CCDC50: variants seen among roughly 807,000 people sequenced by gnomAD.
CCDC50 encodes the protein coiled-coil domain containing 50.
A neutral mutation model predicts 70.2 loss-of-function variants in CCDC50; 54 were observed. That is an observed-to-expected ratio of 0.77 (90% confidence interval 0.62 to 0.96). The LOEUF (loss-of-function observed/expected upper bound fraction) is 0.96, where lower values mean the gene tolerates loss of function less well. CCDC50 is among the 50% of genes least tolerant of loss of function. CCDC50 has a pLI of 0.00. For synonymous variants in CCDC50, 216 were observed against 198.8 expected (o/e 1.09, Z -0.73); for missense variants, 558 against 578.7 (o/e 0.96, Z 0.37).
At position 191,356,638 on chromosome 3, in the gene CCDC50, G is replaced by T. The variant is rs114389764; in HGVS notation, c.50-450G>T. 7.8e-3 allele frequency among the ~76,000 whole-genome samples: 1,187 copies of T among 152,332 alleles called. 10 individuals carry two copies. Among genetic ancestry groups the T allele is most frequent in the Middle Eastern group, 0.034 (10 of 294 alleles). ...GGGTAGACATAAATTGCTGGGAGAG[G>T]ATCGTCTGAACCACAGGGAAGCATA... On this transcript the variant is annotated intron_variant, in intron 1 of 11. Transcript: ENST00000392455.
intron 6 of CCDC50, 85 bp downstream of exon 6, chr3:191,375,674 T>G: frequency 7.1e-7 from 1 of 1,400,910 alleles, no homozygotes; most frequent in Non-Finnish European, 9.9e-7. Flanking sequence ...TTAAGCAACC[T>G]TTCTTTCTCT....
At chr3:191,348,342 A>G (rs1387073718) in intron 1 of CCDC50, among the ~76,000 whole-genome samples, 1 of 142,412 alleles carries the variant, frequency 7.0e-6, no homozygotes, top group East Asian at 1.9e-4. Flanking sequence ...ACAACAACCA[A>G]GCAACCAAAA....
In CCDC50 at chr3:191,396,692, C is replaced by CT. The variant is rs1371152080; in HGVS notation, c.*4934dup. 1 of 152,156 alleles carries CT rather than the reference C, an allele frequency of 6.6e-6. No homozygotes were observed. Among genetic ancestry groups the CT allele is most frequent in the East Asian group, 1.9e-4 (1 of 5,200 alleles). 9.4% of individuals were successfully genotyped at this position (152,156 alleles called of 1,614,324 possible). A position where few individuals can be genotyped will look rare whatever the true frequency, so the allele number is the denominator to read the frequency against. On this transcript the variant is annotated 3_prime_UTR_variant, in exon 12 of 12. Coordinates refer to ENST00000392455, the MANE Select transcript of CCDC50 (RefSeq NM_178335.3). ...AAACCGAACAAAACAGAGACATTTA[C>CT]TTGAAATGGGAGGTTTGCTAATGTG...
At chr3:191,367,281 A>T (rs1712727671) in intron 4 of CCDC50, among the ~76,000 whole-genome samples, 1 of 152,060 alleles carries the variant, frequency 6.6e-6, no homozygotes, top group South Asian at 2.1e-4. Flanking sequence ...ACACTGAGAG[A>T]GTGGCGTATT....
At chr3:191,335,288 AAAAC>A (rs1718103545) in intron 1 of CCDC50, among the ~76,000 whole-genome samples, 1 of 152,198 alleles carries the variant, frequency 6.6e-6, no homozygotes, top group African/African-American at 2.4e-5. Context: ...CATAGAGGAG[AAAAC>A]AAACATTCAA....
At chr3:191,357,712 A>G (rs1440312391) in intron 2 of CCDC50, among the ~76,000 whole-genome samples, 1 of 152,258 alleles carries the variant, frequency 6.6e-6, no homozygotes, top group Non-Finnish European at 1.5e-5. Context: ...AGTAGTAGAA[A>G]GAGCATTGGC....
chr3:191,350,147 C>G (rs1712059694), intron 1 of CCDC50, among the ~76,000 whole-genome samples: 1 of 140,514 alleles, frequency 7.1e-6, no homozygotes. Context: ...AGCCTTTATC[C>G]TCAGATGGTT....
At chr3:191,381,401 C>T (rs1713314069) in intron 9 of CCDC50, among the ~76,000 whole-genome samples, 1 of 152,082 alleles carries the variant, frequency 6.6e-6, no homozygotes, top group South Asian at 2.1e-4. Flanking sequence ...TACTTATCAC[C>T]AACAATTATT....
chr3:191,330,248 G>C (rs1717923697), intron 1 of CCDC50, among the ~76,000 whole-genome samples: 1 of 151,966 alleles, frequency 6.6e-6, no homozygotes, highest in Non-Finnish European at 1.5e-5. Flanking sequence ...AGTCTTGGCT[G>C]TGTTCTGCGC....
Position 191,331,556 on chromosome 3 carries a change from C to A in CCDC50, c.49+1833C>A, listed in dbSNP as rs764167725. On this transcript the variant is annotated intron_variant, in intron 1 of 11. Transcript: ENST00000392455. The stretch of plus-strand genomic sequence containing the variant: ...ATTGGTAAGAAAATTCAGTGTGGCT[C>A]TTTCATTAAGTTACAATTAAATATT... Among the ~76,000 whole-genome samples the A allele has an allele frequency of 2.6e-5, 4 of 152,216 alleles. No homozygotes were observed. In the East Asian group the frequency reaches 5.8e-4, roughly 22 times the overall value.
At chr3:191,334,125 A>C (rs547017941) in intron 1 of CCDC50, among the ~76,000 whole-genome samples, 54 of 152,234 alleles carry the variant, frequency 3.5e-4, no homozygotes, top group Non-Finnish European at 6.6e-4. Context: ...GGAATCTTAG[A>C]TAATTTGCAT....
Position 191,389,539 on chromosome 3 carries a change from A to G in CCDC50, c.1366A>G (p.Thr456Ala). 6.2e-7 allele frequency: 1 copy of G among 1,614,014 alleles called. No homozygotes were observed. Among genetic ancestry groups the G allele is most frequent in the Non-Finnish European group, 8.5e-7 (1 of 1,179,954 alleles). Residue 456 changes from threonine (T) to alanine (A), a missense_variant, in exon 11 of 12, where the codon ACT becomes GCT. Thr to Ala is a moderately conservative substitution (Grantham distance 58). Transcript: ENST00000392455. ...GACAGATGGTGAAGATGCGGATTAC[A>G]CTCATTTTACAAACCAGCAGAGTTC... ...IMTDGEDADY[T>A]HFTNQQSSTR...
At chr3:191,332,458 A>G (rs1245934476) in intron 1 of CCDC50, among the ~76,000 whole-genome samples, 1 of 152,236 alleles carries the variant, frequency 6.6e-6, no homozygotes, top group Non-Finnish European at 1.5e-5. Context: ...GAACATCTGT[A>G]TACTTTTTGT....
At chr3:191,386,835 T>C (rs1713513942) in intron 10 of CCDC50, among the ~76,000 whole-genome samples, 1 of 152,196 alleles carries the variant, frequency 6.6e-6, no homozygotes, top group African/African-American at 2.4e-5. Flanking sequence ...CTACTGTTTT[T>C]AAGGAAATAG....
At chr3:191,380,805 G>A (rs1560170316) in intron 8 of CCDC50, 23 bp from the exon 9 acceptor site, 1 of 1,606,604 alleles carries the variant, frequency 6.2e-7, no homozygotes, top group Non-Finnish European at 8.5e-7. Flanking sequence ...TGCAGTTAAT[G>A]ATATTGACTG....
At chr3:191,390,702 C>G (rs1157441041) in intron 11 of CCDC50, among the ~76,000 whole-genome samples, 1 of 152,126 alleles carries the variant, frequency 6.6e-6, no homozygotes, top group Non-Finnish European at 1.5e-5. Flanking sequence ...TCAGATTTGT[C>G]ACCCTCTTGG....
chr3:191,380,085 A>G, intron 6 of CCDC50, 74 bp from the exon 7 acceptor site: 2 of 908,126 alleles, frequency 2.2e-6, no homozygotes, highest in South Asian at 1.5e-5. Flanking sequence ...AATCTCCTTT[A>G]TCTTAAATTT....
At chr3:191,340,050 T>C (rs1423542601) in intron 1 of CCDC50, among the ~76,000 whole-genome samples, 1 of 152,224 alleles carries the variant, frequency 6.6e-6, no homozygotes, top group Non-Finnish European at 1.5e-5. Flanking sequence ...TGTATAATAC[T>C]TGTATCCAAA....
At chr3:191,341,425 C>G (rs1403775291) in intron 1 of CCDC50, among the ~76,000 whole-genome samples, 2 of 152,078 alleles carry the variant, frequency 1.3e-5, no homozygotes, top group African/African-American at 4.8e-5. Flanking sequence ...GTCTTTTAGC[C>G]TGGAAGTAAG....
Sources: allele counts gnomAD v4.1 joint callset (sites outside exome capture counted in the v4.1 genomes callset), GRCh38; gene constraint gnomAD v4.1.1; transcripts MANE v1.5; gene names NCBI Gene and HGNC (gene_info 2026-07-23, HGNC 2026-07-21).